The following CNNM4 variants were observed in gnomAD, a reference collection of about 807,000 sequenced individuals.
CNNM4 encodes the protein metal transporter CNNM4.
CNNM4 carries 32 observed loss-of-function variants against 53.7 expected under a neutral mutation model. The observed-to-expected ratio is 0.60, with a 90% CI of 0.45 to 0.80. The LOEUF is 0.80. CNNM4 is among the 30% of genes least tolerant of loss of function. The probability of loss-of-function intolerance (pLI) is 0.00; values close to 1 mark genes in which losing one functional copy is unlikely to be tolerated. For synonymous variants in CNNM4, 410 were observed against 440.0 expected, an observed-to-expected ratio of 0.93 and a Z score of 0.85; for missense variants, 784 against 1,022.0, an observed-to-expected ratio of 0.77 and a Z score of 3.17.
At position 96,761,708 on chromosome 2, in the gene CNNM4, C is replaced by G. The variant is rs2078765321; in HGVS notation, c.709C>G (p.Arg237Gly). Residue 237 changes from arginine (R) to glycine (G), a missense_variant, in exon 1 of 7, where the codon CGC (arginine) becomes GGC (glycine). This residue lies in a region of CNNM4 where 473 missense variants were observed against 624.6 expected (regional missense o/e 0.76). Transcript: ENST00000377075. The surrounding 1 kb of genome is among the most constrained non-coding windows in gnomAD (Gnocchi z 6.0). ...RYARKIEPIR[R>G]KGNYLLCSLL... is the part of the protein sequence containing the mutation. ...TGCCCGCAAGATTGAGCCCATCCGG[C>G]GCAAGGGCAACTACCTTCTCTGCTC... 3.1e-6 allele frequency: 5 copies of G among 1,609,638 alleles called. No homozygotes were observed. The highest frequency in any genetic ancestry group is 4.2e-6 in the Non-Finnish European group (5 of 1,179,998).
chr2:96,805,515 T>C (rs1253980078), intron 5 of CNNM4, among the ~76,000 whole-genome samples: 2 of 129,300 alleles, frequency 1.5e-5, no homozygotes, highest in Non-Finnish European at 3.3e-5. Flanking sequence ...GGCAGGGTCA[T>C]GGGACAATAG....
At chr2:96,790,253 G>GC (rs976564345) in intron 1 of CNNM4, among the ~76,000 whole-genome samples, 27 of 151,340 alleles carry the variant, frequency 1.8e-4, no homozygotes, top group Non-Finnish European at 3.7e-4. Context: ...TGATCCACGC[G>GC]CCTCGGTCTC....
chr2:96,763,799 A>C (rs757763547), intron 1 of CNNM4, among the ~76,000 whole-genome samples: 6 of 144,500 alleles, frequency 4.2e-5, no homozygotes, highest in Admixed American at 1.4e-4. Flanking sequence ...AGTAAGCCAG[A>C]GTCTGGGAGA....
chr2:96,795,605 TG>T (rs910420051), intron 1 of CNNM4, among the ~76,000 whole-genome samples: 89 of 152,136 alleles, frequency 5.9e-4, no homozygotes, highest in Non-Finnish European at 1.5e-4. Context: ...CATCTTGGGC[TG>T]GGGGATTTTC....
intron 1 of CNNM4, among the ~76,000 whole-genome samples, chr2:96,768,743 C>T (rs2078840633): frequency 6.6e-6 from 1 of 152,220 alleles, no homozygotes; most frequent in Non-Finnish European, 1.5e-5. Flanking sequence ...GAGCTTCTCA[C>T]ACTCGACTGC....
intron 1 of CNNM4, among the ~76,000 whole-genome samples, chr2:96,787,659 A>G (rs1574070197): frequency 6.6e-6 from 1 of 152,164 alleles, no homozygotes; most frequent in East Asian, 1.9e-4. Context: ...GGAGTTCGAG[A>G]TCAGCCTGGG....
In CNNM4 at chr2:96,800,361, TAGAGAG is replaced by T. The variant is rs899229385; in HGVS notation, c.1948+717_1948+722del. Among the ~76,000 whole-genome samples the T allele has an allele frequency of 6.6e-5, 10 of 151,986 alleles. No homozygotes were observed. The highest frequency in any genetic ancestry group is 1.5e-4 in the Non-Finnish European group (10 of 67,984). On this transcript the variant is annotated intron_variant, in intron 5 of 6. Coordinates refer to ENST00000377075, the MANE Select transcript of CNNM4 (RefSeq NM_020184.4). This position sits in a 1 kb window ranked among gnomAD's most constrained non-coding sequence, Gnocchi z 4.6. ...GTCCTGGGGCGAGGTTGCTGCAGGG[TAGAGAG>T]AGAAAGTCCACTTTGGTGCTGGAGA...
chr2:96,761,170 G>C lies in CNNM4; in HGVS notation c.171G>C (p.Ser57=), dbSNP rs753958153. ...VGMRLASCNK[S]CGTNPDGIIF... is the part of the protein sequence containing the mutation. ...TGAGGCTGGCGAGCTGCAACAAGTC[G>C]TGTGGGACGAACCCGGATGGCATCA... The change falls in exon 1 of 7, where the codon TCG becomes TCC. Residue 57 remains serine (S), a synonymous_variant. Transcript: ENST00000377075. The surrounding 1 kb of genome is among the most constrained non-coding windows in gnomAD (Gnocchi z 6.0). The C allele has an allele frequency of 2.5e-6, 4 of 1,612,282 alleles. No homozygotes were observed. The highest frequency in any genetic ancestry group is 3.3e-5 in the Admixed American group (2 of 59,952).
intron 1 of CNNM4, among the ~76,000 whole-genome samples, chr2:96,767,656 A>G (rs1445088811): frequency 6.6e-6 from 1 of 152,182 alleles, no homozygotes; most frequent in East Asian, 1.9e-4. Context: ...TAGACCCTGT[A>G]TAGACCTGGG....
chr2:96,779,148 C>T (rs879602942), intron 1 of CNNM4, among the ~76,000 whole-genome samples: 28 of 152,026 alleles, frequency 1.8e-4, no homozygotes, highest in Non-Finnish European at 3.7e-4. Flanking sequence ...TCAGTAGAGA[C>T]GGGGTTTCAC....
intron 1 of CNNM4, among the ~76,000 whole-genome samples, chr2:96,762,956 G>T (rs1381884614): frequency 6.6e-6 from 1 of 152,110 alleles, no homozygotes; most frequent in South Asian, 2.1e-4. Flanking sequence ...TCAATGGCTG[G>T]AGTAGTTTGG....
At chr2:96,792,663 G>T (rs1449401714) in intron 1 of CNNM4, among the ~76,000 whole-genome samples, 5 of 152,116 alleles carry the variant, frequency 3.3e-5, no homozygotes, top group Admixed American at 6.5e-5. Flanking sequence ...AATTAGCTGG[G>T]TGTGGTGGCG....
At chr2:96,779,062 T>C (rs995053720) in intron 1 of CNNM4, among the ~76,000 whole-genome samples, 3 of 152,110 alleles carry the variant, frequency 2.0e-5, no homozygotes, top group Admixed American at 6.6e-5. Context: ...CTTCACGCCA[T>C]TCTCCTGCCT....
intron 1 of CNNM4, among the ~76,000 whole-genome samples, chr2:96,765,047 TTTTTTTTTTTTTTTTTTTTG>T (rs2078803215): frequency 2.3e-5 from 3 of 129,266 alleles, no homozygotes; most frequent in South Asian, 2.5e-4. Context: ...TTTTTTTTTT[TTTTTTTTTTTTTTTTTTTTG>T]CTAAGAGAAA....
At chr2:96,799,735 C>A in intron 5 of CNNM4, 87 bp downstream of exon 5, 1 of 1,135,390 alleles carries the variant, frequency 8.8e-7, no homozygotes, top group Non-Finnish European at 1.3e-6. Flanking sequence ...AGCATGGGCC[C>A]GAGAGCTCAT....
chr2:96,771,381 A>G (rs1228567795), intron 1 of CNNM4, among the ~76,000 whole-genome samples: 2 of 149,654 alleles, frequency 1.3e-5, no homozygotes, highest in East Asian at 3.9e-4. Flanking sequence ...ACTTGTCTCT[A>G]TTAAAAACAA....
chr2:96,777,082 G>T (rs749301660), intron 1 of CNNM4, among the ~76,000 whole-genome samples: 5 of 150,286 alleles, frequency 3.3e-5, no homozygotes, highest in Admixed American at 1.3e-4. Flanking sequence ...GTGTAATGGC[G>T]CAATCTCAGC....
chr2:96,797,383 C>A lies in CNNM4; in HGVS notation c.1547-130C>A. On this transcript the variant is annotated intron_variant, in intron 2 of 6. Coordinates refer to ENST00000377075, the MANE Select transcript of CNNM4 (RefSeq NM_020184.4). The surrounding 1 kb of genome is among the most constrained non-coding windows in gnomAD (Gnocchi z 6.0). ...TTGTGCCTCGGCGTCAGCCCAGGAC[C>A]CTGCCAGCCAGAGCCTGCTGCTCCT... 1 of 1,465,472 alleles carries A rather than the reference C, an allele frequency of 6.8e-7. No individual in the cohort carries two copies. Among genetic ancestry groups the A allele is most frequent in the South Asian group, 1.1e-5 (1 of 87,684 alleles). The allele number at this position is 1,465,472 out of a possible 1,614,324, so 90.8% of individuals were successfully genotyped here.
At chr2:96,774,330 C>T (rs1458121390) in intron 1 of CNNM4, among the ~76,000 whole-genome samples, 2 of 152,124 alleles carry the variant, frequency 1.3e-5, no homozygotes, top group Non-Finnish European at 2.9e-5. Context: ...TCTTTGGTCA[C>T]TTGGAGGCCA....
Sources: gnomAD v4.1 joint callset for allele counts (sites outside exome capture counted in the v4.1 genomes callset) on GRCh38, gnomAD v4.1.1 for gene constraint, gnomAD v4.1.1 regional missense constraint, Gnocchi (gnomAD v3.1) non-coding constraint, MANE v1.5 for transcripts, NCBI Gene and HGNC (gene_info 2026-07-23, HGNC 2026-07-21) for gene names.